Variants in LEPR observed in about 807,000 individuals in gnomAD.
LEPR encodes the protein OB receptor.
In LEPR, 56 loss-of-function variants were observed where a neutral mutation model predicts 114.7. That is an observed-to-expected ratio of 0.49 (90% confidence interval 0.39 to 0.61). The LOEUF (loss-of-function observed/expected upper bound fraction) is 0.61. Among genes scored for constraint, LEPR ranks in the 20% least tolerant of loss-of-function variants. LEPR has a pLI of 0.00. For missense variants in LEPR, 1,202 were observed against 1,352.9 expected, an observed-to-expected ratio of 0.89 and a Z score of 1.75; for synonymous variants, 443 against 461.4, an observed-to-expected ratio of 0.96 and a Z score of 0.51.
chr1:65,555,543 C>G (rs1652756503), intron 2 of LEPR, among the ~76,000 whole-genome samples: 1 of 152,138 alleles, frequency 6.6e-6, no homozygotes, highest in Non-Finnish European at 1.5e-5. Context: ...ATACTTGTAT[C>G]TGGTCTGTAA....
rs1281335639 is a variant in LEPR at position 65,434,857 on chromosome 1, C to T, written c.-21+9479C>T. 6 of 985,352 alleles carry T rather than the reference C, an allele frequency of 6.1e-6. No individual in the cohort carries two copies. In the African/African-American group the frequency reaches 1.0e-4, roughly 17 times the overall value. 61.0% of individuals were successfully genotyped at this position (985,352 alleles called of 1,614,324 possible). A position where few individuals can be genotyped will look rare whatever the true frequency, so the allele number is the denominator to read the frequency against. ...CCTTCTCCTCCCATTAGTCAGTTCTCTAAGTACAGCTGATGTCATGTGGTG... is the reference window on the plus strand; with the variant it reads ...CCTTCTCCTCCCATTAGTCAGTTCTTTAAGTACAGCTGATGTCATGTGGTG... On this transcript the variant is annotated intron_variant, in intron 2 of 19. Transcript: ENST00000349533.
intron 2 of LEPR, among the ~76,000 whole-genome samples, chr1:65,467,489 T>A (rs959109476): frequency 6.6e-6 from 1 of 151,996 alleles, no homozygotes; most frequent in Non-Finnish European, 1.5e-5. Flanking sequence ...TACACGGGGG[T>A]CAGGGACCCA....
At chr1:65,424,624 G>T (rs1195335579) in intron 1 of LEPR, among the ~76,000 whole-genome samples, 1 of 152,292 alleles carries the variant, frequency 6.6e-6, no homozygotes, top group East Asian at 1.9e-4. Context: ...AGACTGGGTG[G>T]CTTAAACAAC....
intron 6 of LEPR, 81 bp from the exon 7 acceptor site, chr1:65,596,367 T>C (rs1162591002): frequency 5.8e-6 from 9 of 1,551,652 alleles, no homozygotes; most frequent in Non-Finnish European, 7.9e-6. Context: ...ATGATGAAAA[T>C]TTATCTTGAC....
chr1:65,613,069 T>G (rs1338028331), intron 14 of LEPR, among the ~76,000 whole-genome samples: 1 of 152,362 alleles, frequency 6.6e-6, no homozygotes, highest in South Asian at 2.1e-4. Flanking sequence ...TATTATTTAG[T>G]GTTCTTCTGC....
At chr1:65,449,183 T>C (rs942484300) in intron 2 of LEPR, among the ~76,000 whole-genome samples, 1 of 152,288 alleles carries the variant, frequency 6.6e-6, no homozygotes, top group Non-Finnish European at 1.5e-5. Flanking sequence ...CCTGGCCTCA[T>C]TTCTGATATT....
At position 65,579,449 on chromosome 1, in the gene LEPR, T is replaced by C. The variant is rs146992596; in HGVS notation, c.494+7000T>C. Among the ~76,000 whole-genome samples, 383 of 152,294 alleles carry C rather than the reference T, an allele frequency of 2.5e-3. 2 individuals carry two copies. Among genetic ancestry groups the C allele is most frequent in the African/African-American group, 8.7e-3 (360 of 41,566 alleles). On this transcript the variant is annotated intron_variant, in intron 5 of 19. Coordinates refer to ENST00000349533, the MANE Select transcript of LEPR (RefSeq NM_002303.6). ...CCAATTCCATGAAAAGAGCACAGGG[T>C]TGGTCTTAAAGAAGGTTTACCTCAA...
At chr1:65,622,461 G>A (rs1289835254) in intron 18 of LEPR, among the ~76,000 whole-genome samples, 2 of 152,166 alleles carry the variant, frequency 1.3e-5, no homozygotes, top group Non-Finnish European at 2.9e-5. Flanking sequence ...GAAGTCCAGT[G>A]TGGTTATTTT....
intron 2 of LEPR, among the ~76,000 whole-genome samples, chr1:65,495,216 C>A (rs1427585387): frequency 6.6e-6 from 1 of 151,598 alleles, no homozygotes; most frequent in Admixed American, 6.6e-5. Flanking sequence ...AACTCAATAG[C>A]AAAAAAAGCC....
intron 5 of LEPR, among the ~76,000 whole-genome samples, chr1:65,575,801 T>A (rs1557673223): frequency 6.6e-6 from 1 of 151,482 alleles, no homozygotes; most frequent in African/African-American, 2.5e-5. Context: ...TGTGTACAAA[T>A]GAAACTCTAG....
intron 2 of LEPR, among the ~76,000 whole-genome samples, chr1:65,535,114 A>T (rs1557645602): frequency 6.6e-6 from 1 of 152,154 alleles, no homozygotes; most frequent in Non-Finnish European, 1.5e-5. Context: ...ACACACACAC[A>T]TAGATAAACA....
At position 65,510,259 on chromosome 1, in the gene LEPR, T is replaced by C. The variant is rs369682382; in HGVS notation, c.-20-55287T>C. On this transcript the variant is annotated intron_variant, in intron 2 of 19. Coordinates refer to ENST00000349533, the MANE Select transcript of LEPR (RefSeq NM_002303.6). ...TGATTCCATGAAATAAAAATTCTCC[T>C]TTTTGGCTAAGCTATTATTTTGGGT... is the stretch of plus-strand genomic sequence containing the variant. Among the ~76,000 whole-genome samples the C allele has an allele frequency of 3.3e-5, 5 of 152,318 alleles. No homozygotes were observed. In the East Asian group the frequency reaches 7.7e-4, roughly 23 times the overall value.
chr1:65,565,194 A>G (rs1299548711), intron 2 of LEPR, among the ~76,000 whole-genome samples: 1 of 152,252 alleles, frequency 6.6e-6, no homozygotes, highest in African/African-American at 2.4e-5. Flanking sequence ...AGACGGTGAT[A>G]TTAATGATGT....
chr1:65,526,038 T>G (rs1200937145), intron 2 of LEPR: 4 of 900,116 alleles, frequency 4.4e-6, no homozygotes, highest in Non-Finnish European at 5.3e-6. Flanking sequence ...TCGGCTCCCG[T>G]GGGGCGAGGA....
chr1:65,462,395 A>G (rs912530487), intron 2 of LEPR, among the ~76,000 whole-genome samples: 5 of 152,188 alleles, frequency 3.3e-5, no homozygotes, highest in African/African-American at 9.7e-5. Flanking sequence ...AATCCGTTCT[A>G]TCATTGATAG....
At chr1:65,472,955 C>T (rs1647106783) in intron 2 of LEPR, among the ~76,000 whole-genome samples, 1 of 152,204 alleles carries the variant, frequency 6.6e-6, no homozygotes, top group African/African-American at 2.4e-5. Context: ...CAGTATTCCT[C>T]TAAGATACAT....
intron 1 of LEPR, among the ~76,000 whole-genome samples, chr1:65,424,782 A>AGT (rs1646325381): frequency 6.6e-6 from 1 of 152,122 alleles, no homozygotes; most frequent in Middle Eastern, 3.2e-3. Context: ...ACACAGAGAG[A>AGT]GTGTGTGCTC....
At chr1:65,625,084 C>T (rs1658119180) in intron 19 of LEPR, among the ~76,000 whole-genome samples, 1 of 152,052 alleles carries the variant, frequency 6.6e-6, no homozygotes, top group African/African-American at 2.4e-5. Context: ...AGAATTTATA[C>T]AGTGACATTT....
rs1286844769 is a variant in LEPR, at chr1:65,605,046, T to G, written c.1412T>G (p.Leu471Arg). The change falls in exon 11 of 20, where the codon CTT becomes CGT. Residue 471 changes from leucine (L) to arginine (R), a missense_variant. Transcript: ENST00000349533. ...TLQLRYHRSS[L>R]YCSDIPSIHP... Reference sequence around the variant, plus strand: ...TTTTGTATCTTTTAAAGGAGCAGCCTTTACTGTTCTGATATTCCATCTATT... The same window carrying G: ...TTTTGTATCTTTTAAAGGAGCAGCCGTTACTGTTCTGATATTCCATCTATT... 4 of 1,612,902 alleles carry G rather than the reference T, an allele frequency of 2.5e-6. No homozygotes were observed. The highest frequency in any genetic ancestry group is 2.2e-5 in the East Asian group (1 of 44,878).
Sources: allele counts gnomAD v4.1 joint callset (sites outside exome capture counted in the v4.1 genomes callset), GRCh38; gene constraint gnomAD v4.1.1; transcripts MANE v1.5; gene names NCBI Gene and HGNC (gene_info 2026-07-23, HGNC 2026-07-21).